The following DEPDC5 variants were observed in gnomAD, a reference collection of about 807,000 sequenced individuals.
The protein encoded by DEPDC5 is GATOR1 complex protein DEPDC5.
In DEPDC5, 73 loss-of-function variants were observed where a neutral mutation model predicts 217.3. That is an observed-to-expected ratio of 0.34 (90% confidence interval 0.28 to 0.41). The LOEUF (loss-of-function observed/expected upper bound fraction) is 0.41, where lower values mean the gene tolerates loss of function less well. DEPDC5 is among the 10% of genes least tolerant of loss of function. DEPDC5 has a pLI of 1.00. For synonymous variants in DEPDC5, 733 were observed against 756.7 expected (o/e 0.97, Z 0.51); for missense variants, 1,675 against 2,070.1 (o/e 0.81, Z 3.70).
At chr22:31,846,049 A>G (rs1362047661) in intron 30 of DEPDC5, among the ~76,000 whole-genome samples, 3 of 151,976 alleles carry the variant, frequency 2.0e-5, no homozygotes, top group Non-Finnish European at 4.4e-5. Flanking sequence ...CATTTTGCCC[A>G]GGTTGTTTTC....
intron 33 of DEPDC5, among the ~76,000 whole-genome samples, chr22:31,869,622 A>T (rs1242561097): frequency 2.6e-5 from 4 of 151,098 alleles, no homozygotes; most frequent in Non-Finnish European, 4.4e-5. Flanking sequence ...TGTGGAGAAG[A>T]GCACCCCAGG....
chr22:31,844,178 A>G (rs539986012), intron 29 of DEPDC5, among the ~76,000 whole-genome samples: 2 of 152,266 alleles, frequency 1.3e-5, no homozygotes, highest in East Asian at 1.9e-4. Context: ...GTGAGCCAAG[A>G]TCAAGCCATT....
chr22:31,755,689 C>T (rs563416882), intron 2 of DEPDC5, among the ~76,000 whole-genome samples: 3 of 151,934 alleles, frequency 2.0e-5, no homozygotes, highest in East Asian at 1.9e-4. Context: ...GGATTACAGG[C>T]GTGAGCCACT....
chr22:31,897,433 T>C, intron 39 of DEPDC5, 49 bp from the exon 40 acceptor site: 9 of 1,560,676 alleles, frequency 5.8e-6, no homozygotes, highest in Non-Finnish European at 7.0e-6. Flanking sequence ...TTTTCTCTTG[T>C]TTGAAAGAAC....
rs866399209 is a variant in DEPDC5, at chr22:31,897,217, C to T, written c.4204-265C>T. On this transcript the variant is annotated intron_variant, in intron 39 of 42. Transcript: ENST00000651528. The stretch of plus-strand genomic sequence containing the variant: ...GGATTTCAACTCTCTGCAGACCGTT[C>T]TTTCTAAAAGAAACACCGAAGGTGC... Among the ~76,000 whole-genome samples the T allele has an allele frequency of 7.9e-5, 12 of 152,272 alleles. 1 individual carries two copies. The Middle Eastern group carries it at 0.024, about 302-fold the overall frequency.
chr22:31,780,192 G>A (rs1029147141), intron 8 of DEPDC5, among the ~76,000 whole-genome samples: 1 of 152,178 alleles, frequency 6.6e-6, no homozygotes, highest in Non-Finnish European at 1.5e-5. Context: ...GAAAATGGTG[G>A]TGTGGACTAA....
chr22:31,837,776 A>C (rs2094500499), intron 26 of DEPDC5, among the ~76,000 whole-genome samples: 1 of 151,622 alleles, frequency 6.6e-6, no homozygotes, highest in Admixed American at 6.6e-5. Context: ...GTCTCATCTC[A>C]CTGCAACCTC....
At chr22:31,893,957 T>G in intron 39 of DEPDC5, 1 of 522,032 alleles carries the variant, frequency 1.9e-6, no homozygotes, top group Non-Finnish European at 3.1e-6. Context: ...TTTCTTAGCC[T>G]TAGCAGTATT....
intron 14 of DEPDC5, among the ~76,000 whole-genome samples, chr22:31,802,124 A>AT (rs761007210): frequency 0.039 from 4,948 of 126,818 alleles, 144 homozygotes; most frequent in African/African-American, 0.059. Flanking sequence ...AACAGCATGA[A>AT]TTTTTTTTTT....
chr22:31,837,956 G>T (rs1449153914), intron 26 of DEPDC5, among the ~76,000 whole-genome samples: 5 of 152,102 alleles, frequency 3.3e-5, no homozygotes, highest in Non-Finnish European at 7.4e-5. Context: ...ACCCACCTCG[G>T]CCTCCCAAAG....
intron 8 of DEPDC5, among the ~76,000 whole-genome samples, chr22:31,783,245 C>A (rs2084640103): frequency 6.6e-6 from 1 of 152,154 alleles, no homozygotes; most frequent in African/African-American, 2.4e-5. Flanking sequence ...AGCCCAGGTC[C>A]CCTTCCACAT....
At chr22:31,782,423 C>T (rs934468028) in intron 8 of DEPDC5, among the ~76,000 whole-genome samples, 1 of 152,194 alleles carries the variant, frequency 6.6e-6, no homozygotes, top group African/African-American at 2.4e-5. Context: ...GGGTGTCAGC[C>T]ATCGTGCCCG....
At position 31,759,354 on chromosome 22, in the gene DEPDC5, C is replaced by T. The variant is rs371172274; in HGVS notation, c.146+721C>T. ...ACAGGCATGAGCCACCATACCGAGCCGTTTTTTTTGTTTTTTTTGTTTTTT... is the reference window on the plus strand; with the variant it reads ...ACAGGCATGAGCCACCATACCGAGCTGTTTTTTTTGTTTTTTTTGTTTTTT... On this transcript the variant is annotated intron_variant, in intron 3 of 42. Coordinates refer to ENST00000651528, the MANE Select transcript of DEPDC5 (RefSeq NM_001242896.3). Among the ~76,000 whole-genome samples, 723 of 149,180 alleles carry T rather than the reference C, an allele frequency of 4.8e-3. 2 individuals carry two copies. The highest frequency in any genetic ancestry group is 0.018 in the Middle Eastern group (5 of 280).
intron 20 of DEPDC5, chr22:31,814,742 G>A: frequency 1.9e-6 from 1 of 524,696 alleles, no homozygotes; most frequent in Non-Finnish European, 3.4e-6. Flanking sequence ...TCAGCCTGGA[G>A]CAGTCCTTTC....
chr22:31,843,642 C>T lies in DEPDC5; in HGVS notation c.2634-3C>T. 6.3e-7 allele frequency: 1 copy of T among 1,590,442 alleles called. No homozygotes were observed. The highest frequency in any genetic ancestry group is 8.6e-7 in the Non-Finnish European group (1 of 1,162,608). On this transcript the variant is annotated splice_polypyrimidine_tract_variant and splice_region_variant and intron_variant, in intron 28 of 42. Transcript: ENST00000651528. Reference sequence around the variant, plus strand: ...ATTTGGGGACCTGCCCTTTATTTTGCAGGTATCCTTATGAATCTGCCCAGA... The same window carrying T: ...ATTTGGGGACCTGCCCTTTATTTTGTAGGTATCCTTATGAATCTGCCCAGA...
At chr22:31,799,799 CTTTTTTTTTTTTTTTT>C (rs1158355451) in intron 14 of DEPDC5, among the ~76,000 whole-genome samples, 1 of 72,924 alleles carries the variant, frequency 1.4e-5, no homozygotes, top group Non-Finnish European at 2.5e-5. Context: ...CATGCCCGGC[CTTTTTTTTTTTTTTTT>C]TTTTTTTTTT....
In DEPDC5 at chr22:31,906,422, C is replaced by A. The variant is rs2093760612; in HGVS notation, c.4737C>A (p.Phe1579Leu). The change falls in exon 43 of 43, where the codon TTC becomes TTA. Residue 1579 changes from phenylalanine to leucine, a missense_variant. By Grantham distance (22) the Phe-to-Leu change is conservative (BLOSUM62 0). Around this residue, in one of 11 missense-constraint regions of DEPDC5, gnomAD observed 49 missense variants for 74.7 expected, o/e 0.66. Coordinates refer to ENST00000651528, the MANE Select transcript of DEPDC5 (RefSeq NM_001242896.3). The surrounding 1 kb of genome is among the most constrained non-coding windows in gnomAD (Gnocchi z 5.1). ...ADRLLKDFTDFCINRDNRLVT... is the reference protein window; with the variant it reads ...ADRLLKDFTDLCINRDNRLVT... ...GGCTGCTGAAGGACTTCACGGACTT[C>A]TGCATCAACCGTGACAACCGGCTGG... 1.9e-6 allele frequency: 3 copies of A among 1,614,110 alleles called. No homozygotes were observed. Among genetic ancestry groups the A allele is most frequent in the Non-Finnish European group, 2.5e-6 (3 of 1,180,050 alleles).
intron 27 of DEPDC5, among the ~76,000 whole-genome samples, chr22:31,839,149 C>A (rs927110699): frequency 1.3e-5 from 2 of 152,190 alleles, no homozygotes; most frequent in Non-Finnish European, 2.9e-5. Context: ...GAGCTGTCAA[C>A]GTTTCTAAAC....
chr22:31,856,872 T>C (rs1485781751), intron 31 of DEPDC5, among the ~76,000 whole-genome samples: 3 of 152,094 alleles, frequency 2.0e-5, no homozygotes, highest in Non-Finnish European at 1.5e-5. Context: ...TGAGTTCAAG[T>C]GATTCTCGTG....
Sources: allele counts gnomAD v4.1 joint callset (sites outside exome capture counted in the v4.1 genomes callset), GRCh38; gene constraint gnomAD v4.1.1; regional missense constraint gnomAD v4.1.1; non-coding constraint Gnocchi (gnomAD v3.1); transcripts MANE v1.5; gene names NCBI Gene and HGNC (gene_info 2026-07-23, HGNC 2026-07-21).